ALS2CL: variants seen among roughly 807,000 people sequenced by gnomAD.
The protein encoded by ALS2CL is ALS2 C-terminal like.
A neutral mutation model predicts 127.9 loss-of-function variants in ALS2CL; 112 were observed. The ratio of observed to expected loss-of-function variants is 0.88; its 90% confidence interval spans 0.75 to 1.02. The LOEUF is 1.02. Among genes scored for constraint, ALS2CL ranks in the 50% least tolerant of loss-of-function variants. The pLI, the probability that ALS2CL is intolerant of heterozygous loss-of-function variation, is 0.00. For synonymous variants in ALS2CL, 519 were observed against 527.6 expected, an observed-to-expected ratio of 0.98 and a Z score of 0.22; for missense variants, 1,174 against 1,236.7, an observed-to-expected ratio of 0.95 and a Z score of 0.76.
At chr3:46,673,657 A>G (rs1358339570) in intron 21 of ALS2CL, among the ~76,000 whole-genome samples, 1 of 152,140 alleles carries the variant, frequency 6.6e-6, no homozygotes, top group African/African-American at 2.4e-5. Flanking sequence ...TCCATCCAGG[A>G]GGCTCTGCTG....
At position 46,681,067 on chromosome 3, in the gene ALS2CL, A is replaced by C; in HGVS notation, c.1436+179T>G. On this transcript the variant is annotated intron_variant, in intron 13 of 25. Transcript: ENST00000318962. The surrounding 1 kb of genome is among the most constrained non-coding windows in gnomAD (Gnocchi z 4.9). ...GAGGGGCGGGGGCGACCCTGCAGTC[A>C]GCGTGACCAAGATTCGCTCAGCCTG... 1 of 1,006,112 alleles carries C rather than the reference A, an allele frequency of 9.9e-7. No homozygotes were observed. Among genetic ancestry groups the C allele is most frequent in the Non-Finnish European group, 1.5e-6 (1 of 650,672 alleles). The allele number at this position is 1,006,112 out of a possible 1,614,324, so 62.3% of individuals were successfully genotyped here.
rs1252429270 is a variant in ALS2CL at position 46,675,691 on chromosome 3, GA to G, written c.2187-6del. 2 of 1,613,386 alleles carry G rather than the reference GA, an allele frequency of 1.2e-6. No individual in the cohort carries two copies. The highest frequency in any genetic ancestry group is 1.7e-6 in the Non-Finnish European group (2 of 1,180,036). On this transcript the variant is annotated splice_region_variant and splice_polypyrimidine_tract_variant and intron_variant, in intron 19 of 25. Transcript: ENST00000318962. ...AAGGCAACTCGCAGCAGACCCCTGT[GA>G]GTCAATGAGAGAGAAATGGTGTGGC...
chr3:46,681,123 G>A lies in ALS2CL; in HGVS notation c.1436+123C>T. The A allele has an allele frequency of 6.9e-7, 1 of 1,457,946 alleles. No individual in the cohort carries two copies. Among genetic ancestry groups the A allele is most frequent in the Non-Finnish European group, 9.6e-7 (1 of 1,045,830 alleles). 90.3% of individuals were successfully genotyped at this position (1,457,946 alleles called of 1,614,324 possible). ...CCGCAGCAACCGAGGGACTGGAGGGGAAGTGAGGGGCTTAAGAGAGACACA... is the reference window on the plus strand; with the variant it reads ...CCGCAGCAACCGAGGGACTGGAGGGAAAGTGAGGGGCTTAAGAGAGACACA... On this transcript the variant is annotated intron_variant, in intron 13 of 25. Coordinates refer to ENST00000318962, the MANE Select transcript of ALS2CL (RefSeq NM_147129.5). The surrounding 1 kb of genome is among the most constrained non-coding windows in gnomAD (Gnocchi z 4.9).
chr3:46,671,871 C>G lies in ALS2CL; in HGVS notation c.2684+13G>C. ...TGCCCCTGCCCTGCACCCCCAGCTCCTGACTGCCTCACCGGGCGCGCGACA... is the reference window on the plus strand; with the variant it reads ...TGCCCCTGCCCTGCACCCCCAGCTCGTGACTGCCTCACCGGGCGCGCGACA... On this transcript the variant is annotated intron_variant, in intron 24 of 25. Transcript: ENST00000318962. The G allele has an allele frequency of 6.2e-7, 1 of 1,613,058 alleles. No individual in the cohort carries two copies. Among genetic ancestry groups the G allele is most frequent in the South Asian group, 1.1e-5 (1 of 91,020 alleles).
chr3:46,680,852 G>C, intron 13 of ALS2CL: 1 of 524,172 alleles, frequency 1.9e-6, no homozygotes, highest in South Asian at 2.2e-5. Context: ...GACTTCAGTG[G>C]TCCAGAAAGG....
chr3:46,669,783 C>T lies in ALS2CL; in HGVS notation c.*1201G>A, dbSNP rs1055310700. On this transcript the variant is annotated 3_prime_UTR_variant, in exon 26 of 26. Transcript: ENST00000318962. ...TCTCTCTGCCCACTGCCCACATCAT[C>T]TCTGGGACTCTGCGGGTGCCCTCTG... is the stretch of plus-strand genomic sequence containing the variant. The T allele has an allele frequency of 7.2e-5, 11 of 152,312 alleles. No individual in the cohort carries two copies. The highest frequency in any genetic ancestry group is 2.2e-4 in the African/African-American group (9 of 41,466). 9.4% of individuals were successfully genotyped at this position (152,312 alleles called of 1,614,324 possible).
chr3:46,674,421 C>T lies in ALS2CL; in HGVS notation c.2429+145G>A. On this transcript the variant is annotated intron_variant, in intron 21 of 25. Coordinates refer to ENST00000318962, the MANE Select transcript of ALS2CL (RefSeq NM_147129.5). ...CTTCCCTCTGTCATTCAGTTGAACA[C>T]CTAGATCCAGCCACACCTGAATGCA... 2.7e-6 allele frequency: 3 copies of T among 1,102,386 alleles called. No individual in the cohort carries two copies. The South Asian group carries it at 4.7e-5, about 17-fold the overall frequency. 68.3% of individuals were successfully genotyped at this position (1,102,386 alleles called of 1,614,324 possible). A position where few individuals can be genotyped will look rare whatever the true frequency, so the allele number is the denominator to read the frequency against.
intron 6 of ALS2CL, 38 bp from the exon 7 acceptor site, chr3:46,685,682 C>T (rs868316996): frequency 3.8e-6 from 6 of 1,584,186 alleles, no homozygotes; most frequent in Middle Eastern, 1.9e-4. Flanking sequence ...GCTTAGGCAC[C>T]TCTGTCCTGC....
intron 10 of ALS2CL, among the ~76,000 whole-genome samples, chr3:46,682,298 C>T (rs1246308703): frequency 1.3e-5 from 2 of 152,208 alleles, no homozygotes; most frequent in Admixed American, 6.5e-5. Context: ...TACCAGCAGC[C>T]TCATGGGGCA....
Position 46,670,858 on chromosome 3 carries a change from C to T in ALS2CL, c.*126G>A, listed in dbSNP as rs565258302. 1 of 998,318 alleles carries T rather than the reference C, an allele frequency of 1.0e-6. No individual in the cohort carries two copies. Among genetic ancestry groups the T allele is most frequent in the South Asian group, 1.4e-5 (1 of 71,688 alleles). The allele number at this position is 998,318 out of a possible 1,614,324, so 61.8% of individuals were successfully genotyped here. A position where few individuals can be genotyped will look rare whatever the true frequency, so the allele number is the denominator to read the frequency against. On this transcript the variant is annotated 3_prime_UTR_variant, in exon 26 of 26. Transcript: ENST00000318962. The surrounding 1 kb of genome is among the most constrained non-coding windows in gnomAD (Gnocchi z 5.5). ...AGGGCAGCAGCAGCATCTTCCTGTG[C>T]AAAACAAAATGCTCATCTCCTCCAA...
intron 16 of ALS2CL, 154 bp from the exon 17 acceptor site, chr3:46,677,176 T>C: frequency 2.1e-6 from 3 of 1,436,062 alleles, no homozygotes; most frequent in African/African-American, 1.4e-5. Flanking sequence ...CAGAGGGGGC[T>C]GACCTCCACG....
intron 7 of ALS2CL, among the ~76,000 whole-genome samples, chr3:46,685,058 G>A (rs1217626027): frequency 6.6e-6 from 1 of 152,170 alleles, no homozygotes; most frequent in Non-Finnish European, 1.5e-5. Context: ...CTTCCACAAT[G>A]CTGAAAGCCC....
rs982446361 is a variant in ALS2CL, at chr3:46,682,101, C to T, written c.1110-7G>A. ...CGGCCATTTCAGGGTTCCCCTGGAA[C>T]ACAGTGGAGGTTCACGAGCCTCAGG... On this transcript the variant is annotated splice_region_variant and splice_polypyrimidine_tract_variant and intron_variant, in intron 10 of 25. Transcript: ENST00000318962. 6.2e-7 allele frequency: 1 copy of T among 1,613,776 alleles called. No homozygotes were observed. The highest frequency in any genetic ancestry group is 8.5e-7 in the Non-Finnish European group (1 of 1,179,890).
At chr3:46,685,746 C>T (rs1033328876) in intron 6 of ALS2CL, 102 bp from the exon 7 acceptor site, 3 of 1,477,682 alleles carry the variant, frequency 2.0e-6, no homozygotes, top group Non-Finnish European at 2.7e-6. Context: ...CTCCCAGAGG[C>T]CCCCTCCAGT....
intron 22 of ALS2CL, among the ~76,000 whole-genome samples, chr3:46,672,905 C>G (rs77058234): frequency 0.014 from 2,141 of 152,256 alleles, 51 homozygotes; most frequent in African/African-American, 0.048. Flanking sequence ...ACTCGGGAGG[C>G]TGAGGCAGGT....
intron 7 of ALS2CL, among the ~76,000 whole-genome samples, chr3:46,685,206 G>A (rs1248706444): frequency 6.6e-6 from 1 of 152,188 alleles, no homozygotes. Context: ...GTTGTCTGGT[G>A]TCTACTGTAG....
chr3:46,693,313 G>C (rs1575460920), intron 1 of ALS2CL, among the ~76,000 whole-genome samples: 1 of 152,276 alleles, frequency 6.6e-6, no homozygotes, highest in African/African-American at 2.4e-5. Context: ...CTGGAATCCC[G>C]GGTCGGGCCC....
chr3:46,671,967 C>T lies in ALS2CL; in HGVS notation c.2601G>A (p.Thr867=), dbSNP rs7625303. 47 of 1,613,850 alleles carry T rather than the reference C, an allele frequency of 2.9e-5. No individual in the cohort carries two copies. In the African/African-American group the frequency reaches 5.1e-4, roughly 17 times the overall value. ...LERTYGEIEG[T]VSRVLGREYK... ...ACTCCCGGCCCAATACCCTCGACAC[C>T]GTGCCCTCAATTTCCCCGTATGTCC... The change falls in exon 24 of 26, where the codon ACG becomes ACA. Residue 867 remains threonine, a synonymous_variant. Coordinates refer to ENST00000318962, the MANE Select transcript of ALS2CL (RefSeq NM_147129.5).
chr3:46,681,732 C>T lies in ALS2CL; in HGVS notation c.1176-134G>A. 1 of 897,462 alleles carries T rather than the reference C, an allele frequency of 1.1e-6. No individual in the cohort carries two copies. Among genetic ancestry groups the T allele is most frequent in the South Asian group, 1.6e-5 (1 of 61,038 alleles). The allele number at this position is 897,462 out of a possible 1,614,324, so 55.6% of individuals were successfully genotyped here. ...CAGGGAGACTCTCAGAGGCCCTCAGCCTTCCTATCCTTCAAAGGGCCCCTC... is the reference window on the plus strand; with the variant it reads ...CAGGGAGACTCTCAGAGGCCCTCAGTCTTCCTATCCTTCAAAGGGCCCCTC... On this transcript the variant is annotated intron_variant, in intron 11 of 25. Coordinates refer to ENST00000318962, the MANE Select transcript of ALS2CL (RefSeq NM_147129.5). This position sits in a 1 kb window ranked among gnomAD's most constrained non-coding sequence, Gnocchi z 4.9.
Sources: gnomAD v4.1 joint callset for allele counts (sites outside exome capture counted in the v4.1 genomes callset) on GRCh38, gnomAD v4.1.1 for gene constraint, Gnocchi (gnomAD v3.1) non-coding constraint, MANE v1.5 for transcripts, NCBI Gene and HGNC (gene_info 2026-07-23, HGNC 2026-07-21) for gene names.